The following AGBL4 variants were observed in gnomAD, a reference collection of about 807,000 sequenced individuals.
The protein encoded by AGBL4 is AGBL carboxypeptidase 4, also known as cytosolic carboxypeptidase 6.
A neutral mutation model predicts 66.4 loss-of-function variants in AGBL4; 58 were observed. That is an observed-to-expected ratio of 0.87 (90% CI 0.71 to 1.09). AGBL4 has a LOEUF of 1.09. Among genes scored for constraint, AGBL4 ranks in the 50% least tolerant of loss-of-function variants. The pLI is 0.00. For missense variants in AGBL4, 579 were observed against 631.0 expected (o/e 0.92, Z 0.88); for synonymous variants, 234 against 222.9 (o/e 1.05, Z -0.44).
intron 6 of AGBL4, among the ~76,000 whole-genome samples, chr1:48,856,654 A>C (rs1400281094): frequency 6.6e-6 from 1 of 152,208 alleles, no homozygotes; most frequent in Non-Finnish European, 1.5e-5. Flanking sequence ...CAGAGTTGTC[A>C]TGTACTGGGA....
In AGBL4 at chr1:48,539,542, G is replaced by C. The variant is rs994000285; in HGVS notation, c.1364+100C>G. 3.3e-6 allele frequency: 3 copies of C among 902,478 alleles called. No individual in the cohort carries two copies. In the Admixed American group the frequency reaches 1.0e-4, roughly 30 times the overall value. 55.9% of individuals were successfully genotyped at this position (902,478 alleles called of 1,614,324 possible). The stretch of plus-strand genomic sequence containing the variant: ...CCAGGATTATCTTTCCTGCGGCACA[G>C]ATGGGATGCTGAGTGTCAGCAAAAG... On this transcript the variant is annotated intron_variant, in intron 12 of 13. Transcript: ENST00000371839.
At chr1:48,525,197 T>G in the AGBL4 span, among the ~76,000 whole-genome samples, 1 of 151,838 alleles carries the variant, frequency 6.6e-6, no homozygotes, top group Non-Finnish European at 1.5e-5. Flanking sequence ...TCCAAGAAAA[T>G]GGAAAGTTGA....
intron 3 of AGBL4, among the ~76,000 whole-genome samples, chr1:49,531,857 T>C (rs1207812500): frequency 6.6e-6 from 1 of 152,188 alleles, no homozygotes; most frequent in South Asian, 2.1e-4. Flanking sequence ...ATTTAGAGTA[T>C]AGACATAAGA....
At chr1:49,755,211 A>G (rs2147848646) in intron 2 of AGBL4, among the ~76,000 whole-genome samples, 1 of 152,328 alleles carries the variant, frequency 6.6e-6, no homozygotes, top group Non-Finnish European at 1.5e-5. Flanking sequence ...AGCCAAGATA[A>G]CAGAAGAGTA....
At chr1:49,359,007 TATTAC>T (rs1263040879) in intron 3 of AGBL4, among the ~76,000 whole-genome samples, 90 of 152,230 alleles carry the variant, frequency 5.9e-4, no homozygotes, top group African/African-American at 1.7e-3. Flanking sequence ...GGTCTTGTTT[TATTAC>T]TTATGTATTA....
At chr1:49,263,492 A>G (rs1034727260) in intron 3 of AGBL4, among the ~76,000 whole-genome samples, 2 of 152,186 alleles carry the variant, frequency 1.3e-5, no homozygotes, top group Admixed American at 6.5e-5. Flanking sequence ...CAGACAAGAT[A>G]TAGAAGGAGG....
At chr1:49,323,809 C>A (rs1255589945) in intron 3 of AGBL4, among the ~76,000 whole-genome samples, 1 of 151,184 alleles carries the variant, frequency 6.6e-6, no homozygotes, top group Non-Finnish European at 1.5e-5. Flanking sequence ...CAAACTCCCA[C>A]TACTTCTAGA....
chr1:49,459,775 A>G (rs1321277613), intron 3 of AGBL4, among the ~76,000 whole-genome samples: 1 of 151,532 alleles, frequency 6.6e-6, no homozygotes, highest in African/African-American at 2.4e-5. Context: ...GCTCTTTCAG[A>G]CTTTTTGATG....
chr1:48,542,789 G>C (rs1644095361), intron 11 of AGBL4, among the ~76,000 whole-genome samples: 1 of 152,134 alleles, frequency 6.6e-6, no homozygotes, highest in African/African-American at 2.4e-5. Context: ...TCTGTAGCTT[G>C]TCTGTTCACT....
At chr1:48,880,141 C>T (rs1370001144) in intron 5 of AGBL4, among the ~76,000 whole-genome samples, 1 of 152,100 alleles carries the variant, frequency 6.6e-6, no homozygotes, top group African/African-American at 2.4e-5. Context: ...CCTGACTCTC[C>T]AAAGTCCATT....
chr1:49,856,428 A>G (rs1646434973), intron 1 of AGBL4, among the ~76,000 whole-genome samples: 1 of 152,110 alleles, frequency 6.6e-6, no homozygotes, highest in South Asian at 2.1e-4. Flanking sequence ...AGGAAACAAC[A>G]AGAAACAATA....
intron 2 of AGBL4, among the ~76,000 whole-genome samples, chr1:49,816,691 A>G (rs1261700776): frequency 6.6e-6 from 1 of 152,214 alleles, no homozygotes; most frequent in Non-Finnish European, 1.5e-5. Flanking sequence ...GACAATACCA[A>G]TGAAAATAAT....
At chr1:48,806,898 A>G (rs1645936909) in intron 6 of AGBL4, among the ~76,000 whole-genome samples, 1 of 151,524 alleles carries the variant, frequency 6.6e-6, no homozygotes, top group East Asian at 2.0e-4. Context: ...AACCAACATT[A>G]CACCTGCCTC....
At chr1:49,320,951 C>T (rs532680833) in intron 3 of AGBL4, among the ~76,000 whole-genome samples, 2 of 152,196 alleles carry the variant, frequency 1.3e-5, no homozygotes, top group Non-Finnish European at 2.9e-5. Context: ...TTTAAACCAT[C>T]AGATCTAGTG....
intron 2 of AGBL4, among the ~76,000 whole-genome samples, chr1:49,743,098 T>G (rs1178465925): frequency 2.0e-5 from 3 of 151,968 alleles, no homozygotes; most frequent in African/African-American, 7.2e-5. Context: ...AGAAACTACC[T>G]TCAGACTGAA....
intron 3 of AGBL4, among the ~76,000 whole-genome samples, chr1:49,555,923 T>C (rs1448890231): frequency 6.6e-6 from 1 of 152,166 alleles, no homozygotes; most frequent in Non-Finnish European, 1.5e-5. Context: ...ACTTTGACAC[T>C]GTTGGTGGGA....
intron 3 of AGBL4, among the ~76,000 whole-genome samples, chr1:49,256,414 A>C (rs1254471687): frequency 6.6e-6 from 1 of 152,186 alleles, no homozygotes; most frequent in Non-Finnish European, 1.5e-5. Flanking sequence ...ATTAGAAAAT[A>C]AAATTTTATT....
chr1:50,010,805 A>G (rs1661478418), intron 1 of AGBL4, among the ~76,000 whole-genome samples: 1 of 152,250 alleles, frequency 6.6e-6, no homozygotes, highest in South Asian at 2.1e-4. Flanking sequence ...CTTGCCACAT[A>G]CAACAATCAA....
chr1:49,707,401 G>A (rs1260633143), intron 2 of AGBL4, among the ~76,000 whole-genome samples: 1 of 104,140 alleles, frequency 9.6e-6, no homozygotes, highest in South Asian at 2.9e-4. Flanking sequence ...TTATCATTTG[G>A]TTGGTACATA....
Sources: gnomAD v4.1 joint callset for allele counts (sites outside exome capture counted in the v4.1 genomes callset) on GRCh38, gnomAD v4.1.1 for gene constraint, MANE v1.5 for transcripts, NCBI Gene and HGNC (gene_info 2026-07-23, HGNC 2026-07-21) for gene names.